Variants in KIF14 observed in about 807,000 individuals in gnomAD.
KIF14 encodes kinesin family member 14, also known as kinesin-like protein KIF14.
In KIF14, 98 loss-of-function variants were observed where a neutral mutation model predicts 176.2. The ratio of observed to expected loss-of-function variants is 0.56; its 90% confidence interval spans 0.47 to 0.66. The LOEUF (loss-of-function observed/expected upper bound fraction) is 0.66, where lower values mean the gene tolerates loss of function less well. Among genes scored for constraint, KIF14 ranks in the 30% least tolerant of loss-of-function variants. The pLI is 0.00. For synonymous variants in KIF14, 566 were observed against 632.2 expected (o/e 0.90, Z 1.57); for missense variants, 1,751 against 1,920.4 (o/e 0.91, Z 1.65).
chr1:200,595,932 CAAAAAAA>C (rs35375679), intron 14 of KIF14, among the ~76,000 whole-genome samples: 1 of 52,242 alleles, frequency 1.9e-5, no homozygotes, highest in African/African-American at 7.2e-5. Context: ...ACTCCATCTC[CAAAAAAA>C]AAAAAAAAAA....
intron 25 of KIF14, among the ~76,000 whole-genome samples, chr1:200,563,809 A>G (rs1049988303): frequency 6.6e-6 from 1 of 152,172 alleles, no homozygotes; most frequent in Non-Finnish European, 1.5e-5. Context: ...TCTTCCACAG[A>G]TCCCTTGATT....
Position 200,560,773 on chromosome 1 carries a change from C to T in KIF14, c.4179G>A (p.Gly1393=). 6.2e-7 allele frequency: 1 copy of T among 1,614,170 alleles called. No homozygotes were observed. The highest frequency in any genetic ancestry group is 8.5e-7 in the Non-Finnish European group (1 of 1,180,024). ...CGTTTTCTAGAAAATGTAGCTTGCT[C>T]CCTTTCAGAACTGCTAACTGCCCCA... ...KYVGQLAVLK[G]SKLHFLENGN... Residue 1393 remains glycine (G), a synonymous_variant, in exon 26 of 30, where the codon GGG becomes GGA. Transcript: ENST00000367350.
chr1:200,560,452 A>G (rs1466066326), intron 26 of KIF14, among the ~76,000 whole-genome samples: 2 of 152,014 alleles, frequency 1.3e-5, no homozygotes, highest in Non-Finnish European at 2.9e-5. Context: ...TTGTATTTTC[A>G]GTAGAGACGG....
rs149616430 is a variant in KIF14, at chr1:200,565,584, C to T, written c.3747G>A (p.Ser1249=). 2.2e-3 allele frequency: 3,624 copies of T among 1,612,230 alleles called. 47 individuals carry two copies. In the African/African-American group the frequency reaches 0.035, roughly 15 times the overall value. Residue 1249 remains serine (S), a synonymous_variant, in exon 24 of 30, where the codon TCG becomes TCA. Transcript: ENST00000367350. ...CATAACTCTGTCCAAAAAAATCTAA[C>T]GAAGAACCAATCAATTCTTTGCAAA... ...PGICKELIGS[S]LDFFGQSYDE... is the part of the protein sequence containing the mutation.
intron 25 of KIF14, among the ~76,000 whole-genome samples, chr1:200,563,854 A>T (rs561632970): frequency 2.4e-4 from 37 of 152,252 alleles, no homozygotes; most frequent in African/African-American, 8.4e-4. Flanking sequence ...GAATTTTTTT[A>T]AAAAATACAT....
chr1:200,587,752 T>C (rs2102678825), intron 18 of KIF14, among the ~76,000 whole-genome samples: 1 of 152,254 alleles, frequency 6.6e-6, no homozygotes, highest in South Asian at 2.1e-4. Context: ...GAGGTTGCAG[T>C]GAGCCCAGAT....
At chr1:200,587,936 T>A (rs955715055) in intron 18 of KIF14, among the ~76,000 whole-genome samples, 1 of 152,182 alleles carries the variant, frequency 6.6e-6, no homozygotes, top group Non-Finnish European at 1.5e-5. Context: ...AGTTGACTAG[T>A]AGATGTATAA....
At chr1:200,600,780 AAAGGGT>A in intron 11 of KIF14, among the ~76,000 whole-genome samples, 1 of 152,216 alleles carries the variant, frequency 6.6e-6, no homozygotes, top group Non-Finnish European at 1.5e-5. Context: ...TTGAGAGGCA[AAAGGGT>A]AATTGTTAAA....
chr1:200,606,883 T>A, intron 5 of KIF14, 85 bp from the exon 6 acceptor site: 1 of 1,104,880 alleles, frequency 9.1e-7, no homozygotes, highest in Non-Finnish European at 1.4e-6. Context: ...ACATCTTGAG[T>A]TTAAGGTAAG....
intron 22 of KIF14, among the ~76,000 whole-genome samples, chr1:200,574,783 T>C (rs952390634): frequency 3.3e-5 from 5 of 152,188 alleles, no homozygotes; most frequent in African/African-American, 1.2e-4. Context: ...AGGTCTTTTA[T>C]GTTTTGAGTT....
intron 6 of KIF14, 66 bp from the exon 7 acceptor site, chr1:200,605,960 C>T: frequency 1.2e-6 from 1 of 865,148 alleles, no homozygotes. Context: ...TCTCATAAAA[C>T]AATAACATTT....
At position 200,577,956 on chromosome 1, in the gene KIF14, GT is replaced by G. The variant is rs770686668; in HGVS notation, c.3466-2266del. Among the ~76,000 whole-genome samples, 734 of 135,392 alleles carry G rather than the reference GT, an allele frequency of 5.4e-3. 15 individuals are homozygous for G. The highest frequency in any genetic ancestry group is 5.9e-3 in the Non-Finnish European group (367 of 61,760). The allele number at this position is 135,392 out of a possible 152,430, so 88.8% of individuals were successfully genotyped here. A position where few individuals can be genotyped will look rare whatever the true frequency, so the allele number is the denominator to read the frequency against. On this transcript the variant is annotated intron_variant, in intron 21 of 29. Transcript: ENST00000367350. The stretch of plus-strand genomic sequence containing the variant: ...GCACCTTCTTTTCCTACACTTTGTT[GT>G]TTTTTTTTTTTCGAGGCCAGTTTGT...
chr1:200,614,416 C>T lies in KIF14; in HGVS notation c.1368-11G>A. The T allele has an allele frequency of 1.4e-6, 2 of 1,480,952 alleles. No homozygotes were observed. Among genetic ancestry groups the T allele is most frequent in the Non-Finnish European group, 1.9e-6 (2 of 1,064,920 alleles). 91.7% of individuals were successfully genotyped at this position (1,480,952 alleles called of 1,614,324 possible). On this transcript the variant is annotated splice_polypyrimidine_tract_variant and intron_variant, in intron 3 of 29. Coordinates refer to ENST00000367350, the MANE Select transcript of KIF14 (RefSeq NM_014875.3). ...CTAAATCCCATCATCCTGAAAAATA[C>T]ATTATGAATAAGGGGGAAATAAAAC...
rs1168150146 is a variant in KIF14, at chr1:200,565,689, C to A, written c.3662-20G>T. 2.0e-6 allele frequency: 3 copies of A among 1,473,998 alleles called. No homozygotes were observed. Among genetic ancestry groups the A allele is most frequent in the African/African-American group, 2.8e-5 (2 of 70,488 alleles). 91.3% of individuals were successfully genotyped at this position (1,473,998 alleles called of 1,614,324 possible). On this transcript the variant is annotated intron_variant, in intron 23 of 29. Transcript: ENST00000367350. ...TTAAACCTACATCAACAGAAAATAG[C>A]CATTTTAAGCTTGTTTTCAGGAATA... is the stretch of plus-strand genomic sequence containing the variant.
rs199756888 is a variant in KIF14 at position 200,618,197 on chromosome 1, G to A, written c.527C>T (p.Ala176Val). The change falls in exon 2 of 30, where the codon GCC (alanine) becomes GTC (valine). Residue 176 changes from alanine to valine, a missense_variant. Coordinates refer to ENST00000367350, the MANE Select transcript of KIF14 (RefSeq NM_014875.3). ...ATCTTCATCTAAAGGTACAGAAGAG[G>A]CAACAAAAGAGTTTTTAGCATTATT... ...IVNNAKNSFV[A>V]SSVPLDEDPQ... The A allele has an allele frequency of 2.5e-5, 41 of 1,613,718 alleles. No homozygotes were observed. The highest frequency in any genetic ancestry group is 3.2e-5 in the Non-Finnish European group (38 of 1,179,924).
At chr1:200,586,002 T>C (rs1658716896) in intron 19 of KIF14, 99 bp downstream of exon 19, 6 of 807,822 alleles carry the variant, frequency 7.4e-6, no homozygotes, top group Non-Finnish European at 1.1e-5. Flanking sequence ...TAAAGTATTT[T>C]GAATATGTAA....
Position 200,552,920 on chromosome 1 carries a change from TTTATTTATTTA to T in KIF14, c.*457_*467del, listed in dbSNP as rs1558038060. The stretch of plus-strand genomic sequence containing the variant: ...ACTTTAAAGATAAAAATATATTTTA[TTTATTTATTTA>T]TTTATTTATTTATTTATTTATTTAT... On this transcript the variant is annotated 3_prime_UTR_variant, in exon 30 of 30. Coordinates refer to ENST00000367350, the MANE Select transcript of KIF14 (RefSeq NM_014875.3). The T allele has an allele frequency of 7.0e-4, 3 of 4,280 alleles. No individual in the cohort carries two copies. The highest frequency in any genetic ancestry group is 1.5e-3 in the Non-Finnish European group (3 of 1,996). The allele number at this position is 4,280 out of a possible 1,614,324, so 0.3% of individuals were successfully genotyped here. A position where few individuals can be genotyped will look rare whatever the true frequency, so the allele number is the denominator to read the frequency against.
At chr1:200,583,440 C>T (rs1658569005) in intron 19 of KIF14, among the ~76,000 whole-genome samples, 1 of 152,064 alleles carries the variant, frequency 6.6e-6, no homozygotes, top group African/African-American at 2.4e-5. Context: ...TTGCTTCAAA[C>T]TAGTCCAGGG....
rs531242439 is a variant in KIF14 at position 200,606,503 on chromosome 1, A to G, written c.1607+243T>C. Among the ~76,000 whole-genome samples the G allele has an allele frequency of 3.2e-4, 49 of 152,336 alleles. 1 individual carries two copies. In the South Asian group the frequency reaches 3.7e-3, roughly 12 times the overall value. ...TACTTCATAGTATAATGAATACTCC[A>G]TGGCAGACACTTTACAGGTACTATG... On this transcript the variant is annotated intron_variant, in intron 6 of 29. Coordinates refer to ENST00000367350, the MANE Select transcript of KIF14 (RefSeq NM_014875.3).
Sources: gnomAD v4.1 joint callset for allele counts (sites outside exome capture counted in the v4.1 genomes callset) on GRCh38, gnomAD v4.1.1 for gene constraint, MANE v1.5 for transcripts, NCBI Gene and HGNC (gene_info 2026-07-23, HGNC 2026-07-21) for gene names.